The following ODAD2 variants were observed in gnomAD, a reference collection of about 807,000 sequenced individuals.
The protein encoded by ODAD2 is outer dynein arm-docking complex subunit 2.
In ODAD2, 89 loss-of-function variants were observed where a neutral mutation model predicts 106.8. That is an observed-to-expected ratio of 0.83 (90% CI 0.70 to 0.99). The LOEUF is 0.99. ODAD2 is among the 50% of genes least tolerant of loss of function. The pLI is 0.00. For missense variants in ODAD2, 1,168 were observed against 1,238.5 expected (o/e 0.94, Z 0.85); for synonymous variants, 404 against 436.2 (o/e 0.93, Z 0.92).
At chr10:27,977,728 CAA>C (rs759613843) in intron 7 of ODAD2, among the ~76,000 whole-genome samples, 3 of 152,020 alleles carry the variant, frequency 2.0e-5, no homozygotes, top group African/African-American at 7.2e-5. Context: ...AAAAAACAGA[CAA>C]AGAGTCCAAA....
intron 17 of ODAD2, among the ~76,000 whole-genome samples, chr10:27,877,836 T>C (rs1407532445): frequency 1.3e-5 from 2 of 152,212 alleles, no homozygotes; most frequent in Non-Finnish European, 2.9e-5. Flanking sequence ...AATTTTGCAA[T>C]TTATAAAGGA....
intron 10 of ODAD2, among the ~76,000 whole-genome samples, chr10:27,950,056 C>T (rs551661405): frequency 1.3e-5 from 2 of 152,302 alleles, no homozygotes; most frequent in African/African-American, 2.4e-5. Flanking sequence ...CTACCCCACA[C>T]AGCTTCTCCA....
intron 7 of ODAD2, among the ~76,000 whole-genome samples, chr10:27,977,527 T>C (rs1849272106): frequency 1.3e-5 from 2 of 151,774 alleles, no homozygotes; most frequent in African/African-American, 2.4e-5. Context: ...AGATCGATCA[T>C]GCCACTGCAC....
intron 19 of ODAD2, among the ~76,000 whole-genome samples, chr10:27,858,469 A>G (rs1216370031): frequency 1.3e-5 from 2 of 152,240 alleles, no homozygotes; most frequent in Non-Finnish European, 2.9e-5. Flanking sequence ...AAATGCAAAC[A>G]GACTAAAGAG....
chr10:27,991,589 C>T (rs541063854), intron 2 of ODAD2, among the ~76,000 whole-genome samples: 1 of 152,220 alleles, frequency 6.6e-6, no homozygotes, highest in Admixed American at 6.5e-5. Context: ...AAATATATTG[C>T]CATCAATGTC....
chr10:27,881,992 C>T (rs1480081913), intron 17 of ODAD2, among the ~76,000 whole-genome samples: 6 of 151,522 alleles, frequency 4.0e-5, no homozygotes, highest in African/African-American at 9.7e-5. Flanking sequence ...ATGGTGAAAC[C>T]CTTTCTCTCC....
chr10:27,823,762 T>C (rs1233451773), intron 19 of ODAD2, among the ~76,000 whole-genome samples: 1 of 152,180 alleles, frequency 6.6e-6, no homozygotes, highest in Admixed American at 6.5e-5. Context: ...TGAAAATTAA[T>C]ACATTAACAT....
Position 27,935,011 on chromosome 10 carries a change from T to C in ODAD2, c.2494A>G (p.Met832Val). Residue 832 changes from methionine to valine, a missense_variant and splice_region_variant, in exon 16 of 20, where the codon ATG (methionine) becomes GTG (valine). Met to Val is a conservative substitution (Grantham distance 21). Transcript: ENST00000305242. ...GACAVEPESM[M>V]IIDRLDGVRL... ...CTTTCCATCTCCAGGGCCACTTACATCATACTTTCAGGTTCTACTGCACAA... is the reference window on the plus strand; with the variant it reads ...CTTTCCATCTCCAGGGCCACTTACACCATACTTTCAGGTTCTACTGCACAA... 6 of 1,613,914 alleles carry C rather than the reference T, an allele frequency of 3.7e-6. No individual in the cohort carries two copies. The highest frequency in any genetic ancestry group is 5.1e-6 in the Non-Finnish European group (6 of 1,179,806).
intron 19 of ODAD2, among the ~76,000 whole-genome samples, chr10:27,833,149 C>T (rs527437316): frequency 3.9e-5 from 6 of 152,220 alleles, no homozygotes; most frequent in Non-Finnish European, 5.9e-5. Flanking sequence ...ATGGCCATGA[C>T]ATATTTAGAG....
chr10:27,824,385 G>T (rs529260326), intron 19 of ODAD2, among the ~76,000 whole-genome samples: 1 of 152,090 alleles, frequency 6.6e-6, no homozygotes, highest in African/African-American at 2.4e-5. Flanking sequence ...TTACAGGGGG[G>T]TTGGGCTCCT....
chr10:27,835,342 T>C (rs1246666883), intron 19 of ODAD2, among the ~76,000 whole-genome samples: 1 of 152,202 alleles, frequency 6.6e-6, no homozygotes. Context: ...AGGTGAGATG[T>C]GAGAAAGAGC....
intron 19 of ODAD2, among the ~76,000 whole-genome samples, chr10:27,827,369 C>CAT (rs2132946781): frequency 9.6e-6 from 1 of 104,122 alleles, no homozygotes; most frequent in South Asian, 3.9e-4. Flanking sequence ...CACACATACA[C>CAT]ACACACACAC....
rs142272195 is a variant in ODAD2, at chr10:27,906,039, C to T, written c.2610+1624G>A. Reference sequence around the variant, plus strand: ...AATGGGATTGAATTAAACTAAAAAGCTCTGCACAGCAAAAGAAACTATCAT... The same window carrying T: ...AATGGGATTGAATTAAACTAAAAAGTTCTGCACAGCAAAAGAAACTATCAT... On this transcript the variant is annotated intron_variant, in intron 17 of 19. Coordinates refer to ENST00000305242, the MANE Select transcript of ODAD2 (RefSeq NM_018076.5). Among the ~76,000 whole-genome samples the T allele has an allele frequency of 3.7e-3, 558 of 152,140 alleles. 3 individuals carry two copies. The highest frequency in any genetic ancestry group is 0.013 in the African/African-American group (534 of 41,528).
At chr10:27,830,677 G>A (rs1156682534) in intron 19 of ODAD2, among the ~76,000 whole-genome samples, 5 of 152,118 alleles carry the variant, frequency 3.3e-5, no homozygotes, top group Admixed American at 2.0e-4. Context: ...ATACTGACTC[G>A]TCTGAATATT....
At chr10:27,969,709 G>C (rs1174088579) in intron 8 of ODAD2, among the ~76,000 whole-genome samples, 1 of 152,150 alleles carries the variant, frequency 6.6e-6, no homozygotes, top group African/African-American at 2.4e-5. Context: ...AATCCCTGCA[G>C]GAGAAGGTCC....
chr10:27,909,993 T>C (rs1015426301), intron 16 of ODAD2, among the ~76,000 whole-genome samples: 2 of 152,104 alleles, frequency 1.3e-5, no homozygotes, highest in Admixed American at 6.6e-5. Context: ...AAGTCATTTA[T>C]TGCTAAATTT....
Position 27,940,805 on chromosome 10 carries a change from C to A in ODAD2, c.1744G>T (p.Val582Phe). The change falls in exon 13 of 20, where the codon GTT becomes TTT. Residue 582 changes from valine to phenylalanine, a missense_variant and splice_region_variant. Physicochemically the swap from Val to Phe is conservative, Grantham distance 50. Around this residue, in one of 3 missense-constraint regions of ODAD2, gnomAD observed 701 missense variants for 712.3 expected, o/e 0.98. Transcript: ENST00000305242. ...TCATGTGCACAGTCTAGTAGAGCAACCTATAATAATAGATAAATCCAATGT... is the reference window on the plus strand; with the variant it reads ...TCATGTGCACAGTCTAGTAGAGCAAACTATAATAATAGATAAATCCAATGT... The part of the protein sequence containing the change: ...VRQHGGITKL[V>F]ALLDCAHDST... 1 of 1,612,058 alleles carries A rather than the reference C, an allele frequency of 6.2e-7. No homozygotes were observed. Among genetic ancestry groups the A allele is most frequent in the South Asian group, 1.1e-5 (1 of 90,932 alleles).
chr10:27,864,021 C>A (rs1324501056), intron 17 of ODAD2, among the ~76,000 whole-genome samples: 2 of 151,884 alleles, frequency 1.3e-5, no homozygotes, highest in Admixed American at 1.3e-4. Context: ...GGATTTTTAT[C>A]AATTTTTTAT....
At chr10:27,884,185 A>G (rs1841924761) in intron 17 of ODAD2, among the ~76,000 whole-genome samples, 2 of 152,148 alleles carry the variant, frequency 1.3e-5, no homozygotes, top group African/African-American at 4.8e-5. Flanking sequence ...AATGACTCAA[A>G]CAAGGGAACC....
Sources: allele counts gnomAD v4.1 joint callset (sites outside exome capture counted in the v4.1 genomes callset), GRCh38; gene constraint gnomAD v4.1.1; regional missense constraint gnomAD v4.1.1; transcripts MANE v1.5; gene names NCBI Gene and HGNC (gene_info 2026-07-23, HGNC 2026-07-21).